Variants in PLEKHB2 observed in about 807,000 individuals in gnomAD.
PLEKHB2 encodes pleckstrin homology domain-containing family B member 2.
Under a neutral mutation model 36.5 loss-of-function variants are expected in PLEKHB2, and 31 were observed. That is an observed-to-expected ratio of 0.85 (90% CI 0.64 to 1.15). The LOEUF (loss-of-function observed/expected upper bound fraction) is 1.15, where lower values mean the gene tolerates loss of function less well. Ranked by LOEUF, PLEKHB2 falls within the 50% of genes most tolerant of loss-of-function variation. PLEKHB2 has a pLI of 0.00. For missense variants in PLEKHB2, 262 were observed against 295.3 expected (o/e 0.89, Z 0.83); for synonymous variants, 119 against 112.0 (o/e 1.06, Z -0.39).
intron 4 of PLEKHB2, among the ~76,000 whole-genome samples, chr2:131,127,591 T>TG (rs1346846160): frequency 2.0e-5 from 3 of 152,238 alleles, no homozygotes; most frequent in Non-Finnish European, 2.9e-5. Flanking sequence ...TTGAGAAAGA[T>TG]GGTGAAATGG....
chr2:131,119,259 A>G (rs974932691), intron 1 of PLEKHB2, among the ~76,000 whole-genome samples: 1 of 150,802 alleles, frequency 6.6e-6, no homozygotes, highest in Non-Finnish European at 1.5e-5. Flanking sequence ...CCATCTCACA[A>G]AAAAAAAAGC....
chr2:131,116,341 A>G (rs906255934), intron 1 of PLEKHB2, among the ~76,000 whole-genome samples: 1 of 152,220 alleles, frequency 6.6e-6, no homozygotes, highest in African/African-American at 2.4e-5. Flanking sequence ...AACCTCAAGG[A>G]AACACCAGAG....
chr2:131,136,433 C>T (rs1053881022), intron 6 of PLEKHB2, among the ~76,000 whole-genome samples: 6 of 151,370 alleles, frequency 4.0e-5, no homozygotes, highest in African/African-American at 1.5e-4. Flanking sequence ...TGGTCTTGAA[C>T]TCCTGGCCTC....
chr2:131,135,689 C>T (rs959671769), intron 6 of PLEKHB2, among the ~76,000 whole-genome samples: 5 of 151,940 alleles, frequency 3.3e-5, no homozygotes, highest in Non-Finnish European at 5.9e-5. Flanking sequence ...CTGCAAGCTC[C>T]GCCTCCCGGG....
chr2:131,122,090 G>A lies in PLEKHB2; in HGVS notation c.37+1112G>A, dbSNP rs1451357430. On this transcript the variant is annotated intron_variant, in intron 2 of 7. Coordinates refer to ENST00000693505, the MANE Select transcript of PLEKHB2 (RefSeq NM_001100623.2). ...ATTTTGTATTTTTAGTAGAGACGGA[G>A]TTTCTCCATGTTGAGCCTGGTCTCG... is the stretch of plus-strand genomic sequence containing the variant. Among the ~76,000 whole-genome samples, 3 of 152,054 alleles carry A rather than the reference G, an allele frequency of 2.0e-5. No homozygotes were observed. The East Asian group carries it at 5.8e-4, about 29-fold the overall frequency.
In PLEKHB2 at chr2:131,148,852, A is replaced by G. The variant is rs1366584783; in HGVS notation, c.*2079A>G. On this transcript the variant is annotated 3_prime_UTR_variant, in exon 8 of 8. Coordinates refer to ENST00000693505, the MANE Select transcript of PLEKHB2 (RefSeq NM_001100623.2). ...TGGCTTTCTTCAGATTATAATCGTTATTAAAGCTGTATGTACACTTTACTT... is the reference window on the plus strand; with the variant it reads ...TGGCTTTCTTCAGATTATAATCGTTGTTAAAGCTGTATGTACACTTTACTT... 1 of 152,232 alleles carries G rather than the reference A, an allele frequency of 6.6e-6. No individual in the cohort carries two copies. Among genetic ancestry groups the G allele is most frequent in the Non-Finnish European group, 1.5e-5 (1 of 68,050 alleles). 9.4% of individuals were successfully genotyped at this position (152,232 alleles called of 1,614,324 possible).
intron 1 of PLEKHB2, among the ~76,000 whole-genome samples, chr2:131,108,833 C>T (rs758203120): frequency 6.6e-6 from 1 of 152,162 alleles, no homozygotes; most frequent in Non-Finnish European, 1.5e-5. Flanking sequence ...TACCATTTAT[C>T]GAGTTCTAGT....
intron 6 of PLEKHB2, among the ~76,000 whole-genome samples, chr2:131,133,991 C>T (rs1392494981): frequency 1.3e-5 from 2 of 151,650 alleles, no homozygotes; most frequent in Non-Finnish European, 2.9e-5. Flanking sequence ...GCTCCGCCTC[C>T]TGGGTTCTCG....
chr2:131,143,952 C>G (rs559134340), intron 7 of PLEKHB2, among the ~76,000 whole-genome samples: 2 of 152,302 alleles, frequency 1.3e-5, no homozygotes, highest in East Asian at 3.9e-4. Flanking sequence ...CTCTCACAGG[C>G]AGTACTCGGA....
chr2:131,144,620 TC>T (rs1699103938), intron 7 of PLEKHB2, among the ~76,000 whole-genome samples: 1 of 152,266 alleles, frequency 6.6e-6, no homozygotes, highest in Admixed American at 6.5e-5. Flanking sequence ...TGCCTTTTTC[TC>T]ATTCACATTT....
intron 6 of PLEKHB2, among the ~76,000 whole-genome samples, chr2:131,138,703 T>TC (rs1241416564): frequency 6.6e-6 from 1 of 152,072 alleles, no homozygotes; most frequent in Non-Finnish European, 1.5e-5. Flanking sequence ...TCTTATTGCT[T>TC]CCCCCGTAGC....
intron 4 of PLEKHB2, among the ~76,000 whole-genome samples, chr2:131,130,205 G>A (rs1331987102): frequency 6.6e-6 from 1 of 151,932 alleles, no homozygotes; most frequent in Non-Finnish European, 1.5e-5. Context: ...CACCATGCCC[G>A]GCTAATGTTT....
At chr2:131,144,476 T>C (rs1393100504) in intron 7 of PLEKHB2, 6 of 1,073,204 alleles carry the variant, frequency 5.6e-6, no homozygotes, top group East Asian at 6.5e-5. Context: ...ACTTCTAGAT[T>C]TGGGGACTAT....
At position 131,140,166 on chromosome 2, in the gene PLEKHB2, G is replaced by T. The variant is rs549274672; in HGVS notation, c.424-1G>T. 1.3e-6 allele frequency: 2 copies of T among 1,590,248 alleles called. No individual in the cohort carries two copies. The highest frequency in any genetic ancestry group is 4.5e-5 in the East Asian group (2 of 44,734). On this transcript the variant is annotated splice_acceptor_variant, in intron 6 of 7. Coordinates refer to ENST00000693505, the MANE Select transcript of PLEKHB2 (RefSeq NM_001100623.2). LOFTEE classifies it high-confidence loss of function. ...TTTCTAATGGGCCTGTTTCTTTTCA[G>T]CAGGCTTATGGCTATGGGCCATACG...
rs1453400819 is a variant in PLEKHB2 at position 131,149,381 on chromosome 2, T to A, written c.*2608T>A. On this transcript the variant is annotated 3_prime_UTR_variant, in exon 8 of 8. Coordinates refer to ENST00000693505, the MANE Select transcript of PLEKHB2 (RefSeq NM_001100623.2). ...TCCATGTGTACTTTTAAATAATCCA[T>A]ACCTTGAAGAAGTTGGCCAATGATA... 6.6e-6 allele frequency: 1 copy of A among 152,250 alleles called. No individual in the cohort carries two copies. The highest frequency in any genetic ancestry group is 1.5e-5 in the Non-Finnish European group (1 of 68,036). The allele number at this position is 152,250 out of a possible 1,614,324, so 9.4% of individuals were successfully genotyped here.
At chr2:131,142,350 CTT>C (rs939749888) in intron 7 of PLEKHB2, among the ~76,000 whole-genome samples, 17 of 152,158 alleles carry the variant, frequency 1.1e-4, no homozygotes, top group African/African-American at 4.1e-4. Flanking sequence ...TATTTCTAGT[CTT>C]GTTTTTAAAT....
At chr2:131,122,153 CCAAAGTGCTGGGATTACAGG>C (rs977561760) in intron 2 of PLEKHB2, among the ~76,000 whole-genome samples, 1 of 152,012 alleles carries the variant, frequency 6.6e-6, no homozygotes, top group African/African-American at 2.4e-5. Flanking sequence ...CCTCGGCCTC[CCAAAGTGCTGGGATTACAGG>C]CAAAGTGCTG....
rs963654126 is a variant in PLEKHB2 at position 131,136,921 on chromosome 2, T to C, written c.424-3246T>C. ...TTGGGAGATTTTAAGTGACAACATC[T>C]TTTTTCTTTTTTTCTTTCTTTTCTT... On this transcript the variant is annotated intron_variant, in intron 6 of 7. Transcript: ENST00000693505. Among the ~76,000 whole-genome samples the C allele has an allele frequency of 2.2e-4, 33 of 151,330 alleles. 2 individuals carry two copies. The highest frequency in any genetic ancestry group is 7.6e-4 in the African/African-American group (31 of 41,014).
At chr2:131,119,994 A>C (rs1421259357) in intron 1 of PLEKHB2, among the ~76,000 whole-genome samples, 2 of 144,392 alleles carry the variant, frequency 1.4e-5, no homozygotes, top group Admixed American at 1.4e-4. Context: ...TTTGAGACAG[A>C]GTCTTACTCT....
Sources: allele counts gnomAD v4.1 joint callset (sites outside exome capture counted in the v4.1 genomes callset), GRCh38; gene constraint gnomAD v4.1.1; transcripts MANE v1.5; gene names NCBI Gene and HGNC (gene_info 2026-07-23, HGNC 2026-07-21).